Variants in TSPAN7 observed in about 807,000 individuals in gnomAD.
TSPAN7 encodes the protein tetraspanin-7.
TSPAN7 carries 1 observed loss-of-function variant against 17.6 expected under a neutral mutation model. The observed-to-expected ratio is 0.06, with a 90% CI of 0.02 to 0.27. The LOEUF (loss-of-function observed/expected upper bound fraction) is 0.27, where lower values mean the gene tolerates loss of function less well. Among genes scored for constraint, TSPAN7 ranks in the 10% least tolerant of loss-of-function variants. TSPAN7 has a pLI of 1.00. For synonymous variants in TSPAN7, 78 were observed against 79.0 expected, an observed-to-expected ratio of 0.99 and a Z score of 0.07; for missense variants, 112 against 201.7, an observed-to-expected ratio of 0.56 and a Z score of 2.69.
chrX:38,651,520 G>A (rs1055175963), intron 1 of TSPAN7, among the ~76,000 whole-genome samples: 3 of 112,025 alleles, frequency 2.7e-5, no homozygotes, highest in Non-Finnish European at 5.6e-5. Context: ...ACATTTAGAA[G>A]AGGATGAAAT....
chrX:38,589,934 T>G (rs2069281543), intron 1 of TSPAN7, among the ~76,000 whole-genome samples: 1 of 112,561 alleles, frequency 8.9e-6, no homozygotes, highest in African/African-American at 3.2e-5. Context: ...CATTTACTTC[T>G]CTATAAAGAC....
At chrX:38,567,546 C>A (rs977488778) in intron 1 of TSPAN7, among the ~76,000 whole-genome samples, 2 of 112,292 alleles carry the variant, frequency 1.8e-5, no homozygotes, top group African/African-American at 6.5e-5. Context: ...GGGACACAGC[C>A]AAACCATATC....
intron 1 of TSPAN7, chrX:38,612,510 C>A (rs1393288641): frequency 8.9e-6 from 1 of 111,899 alleles, no homozygotes; most frequent in African/African-American, 3.3e-5. Context: ...TTGCACCAAT[C>A]TGGACTGGTT....
intron 1 of TSPAN7, among the ~76,000 whole-genome samples, chrX:38,607,699 C>G (rs779162127): frequency 1.8e-5 from 2 of 111,246 alleles, no homozygotes; most frequent in South Asian, 3.8e-4. Context: ...ATTTCATATT[C>G]TGACATCTGA....
At chrX:38,683,078 G>A (rs2069902479) in intron 6 of TSPAN7, among the ~76,000 whole-genome samples, 1 of 112,061 alleles carries the variant, frequency 8.9e-6, no homozygotes, top group African/African-American at 3.2e-5. Context: ...GGGAGATTAT[G>A]CTGATACTGT....
intron 1 of TSPAN7, among the ~76,000 whole-genome samples, chrX:38,653,117 C>T (rs1300596346): frequency 1.8e-5 from 2 of 112,011 alleles, no homozygotes; most frequent in East Asian, 2.8e-4. Context: ...ACTTTGAGCA[C>T]GTTGCTGAAA....
At chrX:38,661,954 T>A (rs116697920) in intron 1 of TSPAN7, among the ~76,000 whole-genome samples, 1,840 of 111,295 alleles carry the variant, frequency 0.017, 48 homozygotes, top group African/African-American at 0.058. Context: ...CAAGAAAAAA[T>A]TTATACATAT....
chrX:38,658,382 G>A (rs1412630550), intron 1 of TSPAN7, among the ~76,000 whole-genome samples: 2 of 106,669 alleles, frequency 1.9e-5, no homozygotes, highest in Non-Finnish European at 3.9e-5. Flanking sequence ...GTCTCACTAT[G>A]TTGCCCAGGC....
At chrX:38,565,516 C>G (rs926994852) in intron 1 of TSPAN7, among the ~76,000 whole-genome samples, 3 of 112,497 alleles carry the variant, frequency 2.7e-5, no homozygotes, top group South Asian at 3.7e-4. Context: ...GCGTGAGCCA[C>G]CACACCCAGC....
At chrX:38,646,232 A>G (rs748007962) in intron 1 of TSPAN7, 19 of 1,136,687 alleles carry the variant, frequency 1.7e-5, no homozygotes, top group Non-Finnish European at 2.1e-5. Flanking sequence ...GCTTTTCTAT[A>G]ATATCTTTTG....
intron 1 of TSPAN7, among the ~76,000 whole-genome samples, chrX:38,583,667 T>A (rs772933308): frequency 1.8e-5 from 2 of 111,930 alleles, no homozygotes; most frequent in Non-Finnish European, 3.8e-5. Context: ...AGAAGGCCTC[T>A]CTGAGGAGTT....
At chrX:38,609,745 A>C (rs1056178422) in intron 1 of TSPAN7, among the ~76,000 whole-genome samples, 1 of 109,782 alleles carries the variant, frequency 9.1e-6, no homozygotes, top group Non-Finnish European at 1.9e-5. Context: ...CTTCTAGGTG[A>C]GACAGTTACA....
intron 1 of TSPAN7, among the ~76,000 whole-genome samples, chrX:38,639,642 G>A (rs2069602197): frequency 9.4e-6 from 1 of 106,629 alleles, no homozygotes; most frequent in Non-Finnish European, 1.9e-5. Context: ...CACATACTGG[G>A]TTACTGTTAG....
intron 1 of TSPAN7, among the ~76,000 whole-genome samples, chrX:38,596,346 G>A (rs1271791349): frequency 1.8e-5 from 2 of 111,476 alleles, no homozygotes; most frequent in African/African-American, 6.5e-5. Context: ...AAGCAGTATT[G>A]AGATCCTAAT....
chrX:38,684,196 C>T (rs1431089425), intron 6 of TSPAN7, among the ~76,000 whole-genome samples: 2 of 112,237 alleles, frequency 1.8e-5, no homozygotes, highest in African/African-American at 6.5e-5. Context: ...TGGGTCTAGC[C>T]TTTTAATAGA....
intron 6 of TSPAN7, among the ~76,000 whole-genome samples, chrX:38,684,510 A>G (rs1429515997): frequency 9.1e-6 from 1 of 110,467 alleles, no homozygotes; most frequent in Non-Finnish European, 1.9e-5. Flanking sequence ...CACGCACATC[A>G]CCCCTGTCCT....
rs12557938 is a variant in TSPAN7, at chrX:38,597,935, C to T, written c.81+36308C>T. The stretch of plus-strand genomic sequence containing the variant: ...TTTGGAAGGTTTCTTGGGATGGAAG[C>T]GATATTCCAGAGAGGCTTTTCTCTT... On this transcript the variant is annotated intron_variant, in intron 1 of 7. Coordinates refer to ENST00000378482, the MANE Select transcript of TSPAN7 (RefSeq NM_004615.4). Among the ~76,000 whole-genome samples the T allele has an allele frequency of 5.8e-3, 648 of 111,320 alleles. 23 individuals are homozygous for T. Among genetic ancestry groups the T allele is most frequent in the Admixed American group, 0.057 (599 of 10,505 alleles).
At chrX:38,676,295 G>A (rs1192106832) in intron 5 of TSPAN7, among the ~76,000 whole-genome samples, 2 of 111,182 alleles carry the variant, frequency 1.8e-5, no homozygotes, top group Non-Finnish European at 3.8e-5. Context: ...CTAGGAGGGT[G>A]GCCTTTATTT....
intron 1 of TSPAN7, among the ~76,000 whole-genome samples, chrX:38,583,944 CTTTTCTT>C (rs2069241428): frequency 1.1e-5 from 1 of 88,465 alleles, no homozygotes; most frequent in African/African-American, 4.3e-5. Flanking sequence ...TCTTTTTTTT[CTTTTCTT>C]TTTTTTTTTT....
Sources: allele counts gnomAD v4.1 joint callset (sites outside exome capture counted in the v4.1 genomes callset), GRCh38; gene constraint gnomAD v4.1.1; transcripts MANE v1.5; gene names NCBI Gene and HGNC (gene_info 2026-07-23, HGNC 2026-07-21).